HIVEP2: variants seen among roughly 807,000 people sequenced by gnomAD.
HIVEP2 encodes HIVEP zinc finger 2, also known as transcription factor HIVEP2.
Under a neutral mutation model 180.7 loss-of-function variants are expected in HIVEP2, and 14 were observed. The observed-to-expected ratio is 0.08, with a 90% CI of 0.05 to 0.12. The LOEUF (loss-of-function observed/expected upper bound fraction) is 0.12, where lower values mean the gene tolerates loss of function less well. Ranked by LOEUF, HIVEP2 falls within the 10% of genes least tolerant of loss-of-function variation. The pLI, the probability that HIVEP2 is intolerant of heterozygous loss-of-function variation, is 1.00. For synonymous variants in HIVEP2, 1,184 were observed against 1,136.4 expected (o/e 1.04, Z -0.84); for missense variants, 2,579 against 3,008.5 (o/e 0.86, Z 3.34).
intron 1 of HIVEP2, among the ~76,000 whole-genome samples, chr6:142,939,660 G>A (rs953314669): frequency 2.6e-5 from 4 of 152,084 alleles, no homozygotes; most frequent in African/African-American, 9.7e-5. Context: ...AAAAAATCCT[G>A]CTTCCATTTA....
At chr6:142,893,287 G>C (rs1040689316) in intron 1 of HIVEP2, among the ~76,000 whole-genome samples, 10 of 152,172 alleles carry the variant, frequency 6.6e-5, no homozygotes, top group African/African-American at 2.4e-4. Context: ...CATCATATGT[G>C]TAATATATTT....
intron 1 of HIVEP2, among the ~76,000 whole-genome samples, chr6:142,866,824 A>G (rs1776152008): frequency 6.6e-6 from 1 of 152,180 alleles, no homozygotes; most frequent in Non-Finnish European, 1.5e-5. Flanking sequence ...CCTCAGGCCA[A>G]TGTGGCTACT....
At chr6:142,796,912 C>T (rs987535728) in intron 2 of HIVEP2, among the ~76,000 whole-genome samples, 3 of 152,142 alleles carry the variant, frequency 2.0e-5, no homozygotes, top group Non-Finnish European at 4.4e-5. Context: ...GAGGGAACTA[C>T]AGAATTATTA....
intron 1 of HIVEP2, among the ~76,000 whole-genome samples, chr6:142,858,758 A>AT (rs375222001): frequency 4.0e-5 from 6 of 151,664 alleles, no homozygotes; most frequent in East Asian, 1.9e-4. Flanking sequence ...CGCCTGGCTG[A>AT]TTTTTTTGTA....
chr6:142,802,990 A>G (rs1776450975), intron 2 of HIVEP2, among the ~76,000 whole-genome samples: 1 of 152,202 alleles, frequency 6.6e-6, no homozygotes, highest in Non-Finnish European at 1.5e-5. Context: ...GAATTAAAAA[A>G]AAGATCTTTG....
intron 3 of HIVEP2, among the ~76,000 whole-genome samples, chr6:142,779,199 C>T (rs952756425): frequency 1.1e-4 from 16 of 152,074 alleles, no homozygotes; most frequent in Non-Finnish European, 2.1e-4. Context: ...CCAAGTAGCT[C>T]CTAAGCCACT....
Position 142,770,759 on chromosome 6 carries a change from T to C in HIVEP2, c.3980A>G (p.Gln1327Arg), listed in dbSNP as rs754000577. The C allele has an allele frequency of 6.2e-7, 1 of 1,614,104 alleles. No individual in the cohort carries two copies. The highest frequency in any genetic ancestry group is 1.3e-5 in the African/African-American group (1 of 74,946). ...DFASANAGSL[Q>R]SLPGTVVPVR... ...AGGAACCACTGTTCCTGGGAGGGAC[T>C]GCAAAGACCCAGCATTTGCCGAGGC... The change falls in exon 5 of 10, where the codon CAG (glutamine) becomes CGG (arginine). Residue 1327 changes from glutamine (Q) to arginine (R), a missense_variant. Transcript: ENST00000367603. The surrounding 1 kb of genome is among the most constrained non-coding windows in gnomAD (Gnocchi z 4.7).
intron 2 of HIVEP2, among the ~76,000 whole-genome samples, chr6:142,789,900 TA>T (rs1195034830): frequency 1.3e-5 from 2 of 151,994 alleles, no homozygotes; most frequent in African/African-American, 4.8e-5. Flanking sequence ...TTATACTAAA[TA>T]AAAATAAATG....
chr6:142,792,276 T>C (rs1175458019), intron 2 of HIVEP2, among the ~76,000 whole-genome samples: 1 of 152,070 alleles, frequency 6.6e-6, no homozygotes, highest in African/African-American at 2.4e-5. Flanking sequence ...AGAATAAAGA[T>C]TAAGAAGAAG....
At chr6:142,909,969 C>T (rs1052167096) in intron 1 of HIVEP2, among the ~76,000 whole-genome samples, 1 of 152,150 alleles carries the variant, frequency 6.6e-6, no homozygotes, top group Non-Finnish European at 1.5e-5. Context: ...TTATCTATTT[C>T]CTTCTTCACT....
chr6:142,937,980 A>C (rs546569870), intron 1 of HIVEP2, among the ~76,000 whole-genome samples: 2 of 152,262 alleles, frequency 1.3e-5, no homozygotes, highest in African/African-American at 4.8e-5. Flanking sequence ...TGATTTTTTT[A>C]AGTGTTTAGT....
At position 142,768,436 on chromosome 6, in the gene HIVEP2, T is replaced by A; in HGVS notation, c.5288A>T (p.Lys1763Ile). The change falls in exon 6 of 10, where the codon AAA becomes ATA. Residue 1763 changes from lysine to isoleucine, a missense_variant. Lys to Ile is a moderately radical substitution (Grantham distance 102, BLOSUM62 -3). Coordinates refer to ENST00000367603, the MANE Select transcript of HIVEP2 (RefSeq NM_006734.4). ...CTCAGTTTGTTTGGATCCAATATCTTTATCTCCATGAATATCTCCTTTCCC... is the reference window on the plus strand; with the variant it reads ...CTCAGTTTGTTTGGATCCAATATCTATATCTCCATGAATATCTCCTTTCCC... ...ERGKGDIHGD[K>I]DIGSKQTEPI... is the part of the protein sequence containing the mutation. The A allele has an allele frequency of 6.2e-7, 1 of 1,613,450 alleles. No individual in the cohort carries two copies.
intron 2 of HIVEP2, among the ~76,000 whole-genome samples, chr6:142,825,072 A>C (rs555000265): frequency 1.1e-4 from 16 of 152,266 alleles, no homozygotes; most frequent in African/African-American, 3.1e-4. Flanking sequence ...TCTTCCTAAC[A>C]ATTTACATGA....
At chr6:142,923,062 G>A (rs550576242) in intron 1 of HIVEP2, among the ~76,000 whole-genome samples, 3 of 152,130 alleles carry the variant, frequency 2.0e-5, no homozygotes, top group Middle Eastern at 3.2e-3. Flanking sequence ...GGCCAGGCGC[G>A]GTGGCTCATG....
intron 1 of HIVEP2, among the ~76,000 whole-genome samples, chr6:142,843,827 G>C (rs1201242013): frequency 6.6e-6 from 1 of 152,070 alleles, no homozygotes; most frequent in African/African-American, 2.4e-5. Flanking sequence ...TTTGAGCCTG[G>C]GAGCACAAAA....
At chr6:142,825,021 A>G (rs1384448922) in intron 2 of HIVEP2, among the ~76,000 whole-genome samples, 4 of 152,278 alleles carry the variant, frequency 2.6e-5, no homozygotes, top group African/African-American at 9.6e-5. Flanking sequence ...CTCATGATCC[A>G]TTTCTTAAAC....
intron 1 of HIVEP2, among the ~76,000 whole-genome samples, chr6:142,879,814 C>T (rs1465658738): frequency 6.6e-6 from 1 of 152,144 alleles, no homozygotes; most frequent in Non-Finnish European, 1.5e-5. Flanking sequence ...CCAAACATGG[C>T]TCACCCACAG....
At chr6:142,799,071 T>C (rs760557959) in intron 2 of HIVEP2, among the ~76,000 whole-genome samples, 2 of 152,184 alleles carry the variant, frequency 1.3e-5, no homozygotes, top group East Asian at 3.9e-4. Context: ...TGATTTTGCA[T>C]GCATGCAAGC....
At chr6:142,896,929 TAC>T (rs1777011943) in intron 1 of HIVEP2, among the ~76,000 whole-genome samples, 1 of 152,204 alleles carries the variant, frequency 6.6e-6, no homozygotes, top group Admixed American at 6.5e-5. Flanking sequence ...TCACTCCTCC[TAC>T]ACACAGCCAA....
Sources: allele counts gnomAD v4.1 joint callset (sites outside exome capture counted in the v4.1 genomes callset), GRCh38; gene constraint gnomAD v4.1.1; non-coding constraint Gnocchi (gnomAD v3.1); transcripts MANE v1.5; gene names NCBI Gene and HGNC (gene_info 2026-07-23, HGNC 2026-07-21).